FASTKD2: variants seen among roughly 807,000 people sequenced by gnomAD.
The protein encoded by FASTKD2 is FAST kinase domains 2.
FASTKD2 carries 51 observed loss-of-function variants against 63.6 expected under a neutral mutation model. The ratio of observed to expected loss-of-function variants is 0.80; its 90% CI spans 0.64 to 1.01. The LOEUF is 1.01. Ranked by LOEUF, FASTKD2 falls within the 50% of genes least tolerant of loss-of-function variation. FASTKD2 has a pLI of 0.00. For synonymous variants in FASTKD2, 284 were observed against 293.4 expected (o/e 0.97, Z 0.33); for missense variants, 786 against 831.1 (o/e 0.95, Z 0.67).
intron 7 of FASTKD2, among the ~76,000 whole-genome samples, chr2:206,783,516 G>T (rs1385108845): frequency 6.6e-6 from 1 of 151,956 alleles, no homozygotes; most frequent in Non-Finnish European, 1.5e-5. Context: ...GGCTCCCATT[G>T]ATGCCTTGTA....
chr2:206,770,051 G>A (rs772457234), intron 2 of FASTKD2, 40 bp from the exon 3 acceptor site: 1 of 1,271,832 alleles, frequency 7.9e-7, no homozygotes, highest in Admixed American at 1.7e-5. Flanking sequence ...TTTACTATGG[G>A]CTCATCACCT....
In FASTKD2 at chr2:206,771,207, A is replaced by G. The variant is rs757447932; in HGVS notation, c.907A>G (p.Lys303Glu). The G allele has an allele frequency of 1.9e-6, 3 of 1,605,374 alleles. No homozygotes were observed. Among genetic ancestry groups the G allele is most frequent in the African/African-American group, 1.3e-5 (1 of 74,866 alleles). ...FRILVDQQVW[K>E]IEDVFTLQVV... is the part of the protein sequence containing the mutation. ...AATACTAGTTGATCAGCAAGTTTGG[A>G]AAATAGAAGATGTCTTCACATTACA... The change falls in exon 4 of 12, where the codon AAA becomes GAA. Residue 303 changes from lysine to glutamate, a missense_variant. Lys to Glu is a moderately conservative substitution (Grantham distance 56). Transcript: ENST00000402774.
chr2:206,771,675 A>G (rs927381807), intron 4 of FASTKD2, among the ~76,000 whole-genome samples: 4 of 150,758 alleles, frequency 2.7e-5, no homozygotes, highest in Non-Finnish European at 5.9e-5. Flanking sequence ...AAAAAAAAAA[A>G]AAAATCAAAG....
At chr2:206,779,522 AC>A (rs1296011418) in intron 7 of FASTKD2, among the ~76,000 whole-genome samples, 1 of 152,184 alleles carries the variant, frequency 6.6e-6, no homozygotes, top group Non-Finnish European at 1.5e-5. Flanking sequence ...TCACAAGGTA[AC>A]AGAAGAGAGC....
At chr2:206,791,424 T>C (rs1295524235) in intron 11 of FASTKD2, 2 of 451,984 alleles carry the variant, frequency 4.4e-6, no homozygotes, top group Non-Finnish European at 7.9e-6. Flanking sequence ...TTATATATAT[T>C]CTAAGGAAGA....
rs1024290404 is a variant in FASTKD2 at position 206,792,660 on chromosome 2, C to T, written c.*858C>T. On this transcript the variant is annotated 3_prime_UTR_variant, in exon 12 of 12. Transcript: ENST00000402774. ...TAGGCATGGTCTCTTGTGGAACTTA[C>T]AGCATGGGTTCCATGCAAGTTGGTG... Among the ~76,000 whole-genome samples the T allele has an allele frequency of 6.6e-6, 1 of 152,154 alleles. No individual in the cohort carries two copies. Among genetic ancestry groups the T allele is most frequent in the Non-Finnish European group, 1.5e-5 (1 of 68,046 alleles).
chr2:206,771,419 A>C, intron 4 of FASTKD2, 129 bp downstream of exon 4: 1 of 690,852 alleles, frequency 1.4e-6, no homozygotes, highest in Non-Finnish European at 2.6e-6. Flanking sequence ...ACTAAAGTGA[A>C]TGAATAGAAG....
At chr2:206,779,710 G>C (rs963694018) in intron 7 of FASTKD2, among the ~76,000 whole-genome samples, 1 of 152,164 alleles carries the variant, frequency 6.6e-6, no homozygotes, top group Non-Finnish European at 1.5e-5. Flanking sequence ...GGGATACAGA[G>C]CCAAACCATA....
At chr2:206,785,398 A>G (rs1249438800) in intron 7 of FASTKD2, among the ~76,000 whole-genome samples, 1 of 152,148 alleles carries the variant, frequency 6.6e-6, no homozygotes, top group Non-Finnish European at 1.5e-5. Flanking sequence ...TTGGTATCTG[A>G]GCTGATCTTA....
intron 10 of FASTKD2, chr2:206,789,964 G>A (rs1690238472): frequency 6.5e-6 from 1 of 153,216 alleles, no homozygotes; most frequent in Non-Finnish European, 1.5e-5. Flanking sequence ...AGGCAGTAAG[G>A]ATATAAATGT....
chr2:206,792,998 C>T lies in FASTKD2; in HGVS notation c.*1196C>T, dbSNP rs1025353896. Among the ~76,000 whole-genome samples the T allele has an allele frequency of 6.6e-6, 1 of 151,970 alleles. No individual in the cohort carries two copies. The highest frequency in any genetic ancestry group is 1.5e-5 in the Non-Finnish European group (1 of 67,988). The stretch of plus-strand genomic sequence containing the variant: ...CCAGCACTTGGGAGGCCGAGGTGGG[C>T]TGATCATGAGGTCAGGAGGTCAAGA... On this transcript the variant is annotated 3_prime_UTR_variant, in exon 12 of 12. Transcript: ENST00000402774.
intron 7 of FASTKD2, among the ~76,000 whole-genome samples, chr2:206,780,638 T>A (rs933335870): frequency 7.9e-5 from 12 of 152,236 alleles, no homozygotes; most frequent in African/African-American, 2.7e-4. Flanking sequence ...TTTATGAATC[T>A]GGATGTCCAT....
At position 206,788,141 on chromosome 2, in the gene FASTKD2, A is replaced by C; in HGVS notation, c.1799A>C (p.His600Pro). 6.3e-7 allele frequency: 1 copy of C among 1,598,110 alleles called. No homozygotes were observed. Among genetic ancestry groups the C allele is most frequent in the Non-Finnish European group, 8.6e-7 (1 of 1,168,950 alleles). ...GHFSKDVHLP[H>P]NYHIDFEIRM... ...TTCTCAAAGGATGTGCACTTGCCAC[A>C]CAATTATCATATTGGTATGGGACAT... The change falls in exon 9 of 12, where the codon CAC (histidine) becomes CCC (proline). Residue 600 changes from histidine to proline, a missense_variant. Coordinates refer to ENST00000402774, the MANE Select transcript of FASTKD2 (RefSeq NM_001136193.2).
chr2:206,775,668 CT>C (rs1689806798), intron 7 of FASTKD2, among the ~76,000 whole-genome samples: 1 of 151,716 alleles, frequency 6.6e-6, no homozygotes. Context: ...TCCTTCTCTG[CT>C]TTTTGGAATA....
At chr2:206,783,978 A>G (rs1222908698) in intron 7 of FASTKD2, among the ~76,000 whole-genome samples, 2 of 152,278 alleles carry the variant, frequency 1.3e-5, no homozygotes, top group Admixed American at 6.5e-5. Context: ...GCCCCTCACA[A>G]TAAGGAATTA....
rs533215521 is a variant in FASTKD2, at chr2:206,795,337, C to T, written c.*3535C>T. On this transcript the variant is annotated 3_prime_UTR_variant, in exon 12 of 12. Coordinates refer to ENST00000402774, the MANE Select transcript of FASTKD2 (RefSeq NM_001136193.2). ...CAAGCTCCGCCTCCTGGGTTCAAGC[C>T]ATTCTCCTGCCTCAGCCTCCCGAGT... Among the ~76,000 whole-genome samples, 5 of 152,262 alleles carry T rather than the reference C, an allele frequency of 3.3e-5. No individual in the cohort carries two copies. In the South Asian group the frequency reaches 1.0e-3, roughly 32 times the overall value.
intron 7 of FASTKD2, among the ~76,000 whole-genome samples, chr2:206,786,369 G>A (rs1414756128): frequency 1.3e-5 from 2 of 152,166 alleles, no homozygotes; most frequent in African/African-American, 4.8e-5. Flanking sequence ...AGGTTCTGGA[G>A]CCTGACACCT....
intron 6 of FASTKD2, among the ~76,000 whole-genome samples, chr2:206,773,340 G>C (rs113574194): frequency 1.1e-3 from 162 of 150,486 alleles, no homozygotes; most frequent in Non-Finnish European, 2.0e-3. Context: ...AAAAAAAAGG[G>C]TTGTATGGTA....
chr2:206,766,002 C>T (rs191952876), intron 1 of FASTKD2, among the ~76,000 whole-genome samples: 165 of 151,996 alleles, frequency 1.1e-3, no homozygotes, highest in African/African-American at 3.8e-3. Flanking sequence ...CAGCCGGGCG[C>T]GGTGACTCAC....
Sources: gnomAD v4.1 joint callset for allele counts (sites outside exome capture counted in the v4.1 genomes callset) on GRCh38, gnomAD v4.1.1 for gene constraint, MANE v1.5 for transcripts, NCBI Gene and HGNC (gene_info 2026-07-23, HGNC 2026-07-21) for gene names.